Variants in SERPINB3 observed in about 807,000 individuals in gnomAD.
The protein encoded by SERPINB3 is serpin family B member 3.
In SERPINB3, 33 loss-of-function variants were observed where a neutral mutation model predicts 33.0. The ratio of observed to expected loss-of-function variants is 1.00; its 90% CI spans 0.76 to 1.34. The LOEUF is 1.34. Among genes scored for constraint, SERPINB3 ranks in the 40% most tolerant of loss-of-function variants. The pLI is 0.00. For synonymous variants in SERPINB3, 200 were observed against 170.9 expected (o/e 1.17, Z -1.33); for missense variants, 518 against 461.5 (o/e 1.12, Z -1.12).
rs746360608 is a variant in SERPINB3, at chr18:63,661,125, G to T, written c.92C>A (p.Pro31His). The T allele has an allele frequency of 3.1e-6, 5 of 1,613,684 alleles. No individual in the cohort carries two copies. Among genetic ancestry groups the T allele is most frequent in the Non-Finnish European group, 4.2e-6 (5 of 1,179,700 alleles). ...CCCTAATGCTGATGTGATGCTGATA[G>T]GGGAATAGAAGATGTTGTTCTCTTT... The part of the protein sequence containing the change: ...KSKENNIFYS[P>H]ISITSALGMV... Residue 31 changes from proline (P) to histidine (H), a missense_variant, in exon 2 of 8, where the codon CCT (proline) becomes CAT (histidine). Transcript: ENST00000283752.
Position 63,655,999 on chromosome 18 carries a change from C to G in SERPINB3, c.831G>C (p.Glu277Asp), listed in dbSNP as rs769440445. ...GAGGTAAGTGTAAATCGACACGTGTCTCTCTCATATTCTGCAAACTTGTCC... is the reference window on the plus strand; with the variant it reads ...GAGGTAAGTGTAAATCGACACGTGTGTCTCTCATATTCTGCAAACTTGTCC... Reference protein sequence around the residue: ...MEWTSLQNMRETRVDLHLPRF... With the variant: ...MEWTSLQNMRDTRVDLHLPRF... Residue 277 changes from glutamate to aspartate, a missense_variant, in exon 8 of 8, where the codon GAG becomes GAC. Transcript: ENST00000283752. The G allele has an allele frequency of 1.4e-4, 228 of 1,613,844 alleles. No individual in the cohort carries two copies. The highest frequency in any genetic ancestry group is 1.9e-4 in the Non-Finnish European group (222 of 1,179,936).
In SERPINB3 at chr18:63,658,478, C is replaced by T. The variant is rs553994210; in HGVS notation, c.469+35G>A. The T allele has an allele frequency of 3.2e-6, 5 of 1,572,114 alleles. No homozygotes were observed. In the African/African-American group the frequency reaches 6.7e-5, roughly 21 times the overall value. On this transcript the variant is annotated intron_variant, in intron 5 of 7. Coordinates refer to ENST00000283752, the MANE Select transcript of SERPINB3 (RefSeq NM_006919.3). Reference sequence around the variant, plus strand: ...GCATAGGGCTCACTCGCATAGATTTCTCAAAGGTGTTTCTATAATGGGTGG... The same window carrying T: ...GCATAGGGCTCACTCGCATAGATTTTTCAAAGGTGTTTCTATAATGGGTGG...
At chr18:63,660,633 G>A (rs903223894) in intron 3 of SERPINB3, 167 bp downstream of exon 3, 20 of 763,642 alleles carry the variant, frequency 2.6e-5, no homozygotes, top group Non-Finnish European at 3.9e-5. Context: ...GAAGAAAGGA[G>A]GAATAATAAT....
At chr18:63,657,182 TTTA>T (rs1315788833) in intron 6 of SERPINB3, 85 bp downstream of exon 6, 1 of 920,862 alleles carries the variant, frequency 1.1e-6, no homozygotes, top group Non-Finnish European at 1.6e-6. Flanking sequence ...CATGAACAAT[TTTA>T]TTTTTTACTT....
Position 63,655,634 on chromosome 18 carries a change from A to G in SERPINB3, c.*23T>C, listed in dbSNP as rs890281172. 12 of 1,568,194 alleles carry G rather than the reference A, an allele frequency of 7.7e-6. No individual in the cohort carries two copies. The Admixed American group carries it at 9.0e-5, about 12-fold the overall frequency. ...ACATCTGCAGGTGAACATTTTCCAA[A>G]TGGAGTGACAGACTAATTGCATCTA... On this transcript the variant is annotated 3_prime_UTR_variant, in exon 8 of 8. Coordinates refer to ENST00000283752, the MANE Select transcript of SERPINB3 (RefSeq NM_006919.3).
At chr18:63,659,639 T>A (rs1476447936) in intron 3 of SERPINB3, 112 bp from the exon 4 acceptor site, 2 of 1,411,976 alleles carry the variant, frequency 1.4e-6, no homozygotes, top group African/African-American at 1.4e-5. Context: ...ATGAGGACCT[T>A]TGAGCTTATT....
intron 2 of SERPINB3, 40 bp from the exon 3 acceptor site, chr18:63,660,896 A>G (rs1373864142): frequency 1.2e-6 from 2 of 1,612,864 alleles, no homozygotes; most frequent in Non-Finnish European, 8.5e-7. Flanking sequence ...ACTTTACTCA[A>G]AAGATCTGTT....
intron 3 of SERPINB3, 62 bp from the exon 4 acceptor site, chr18:63,659,589 C>T (rs1913588969): frequency 1.2e-6 from 2 of 1,608,698 alleles, no homozygotes; most frequent in Non-Finnish European, 1.7e-6. Context: ...TAAACCCATG[C>T]TAAGTCTGTT....
chr18:63,655,777 T>A lies in SERPINB3; in HGVS notation c.1053A>T (p.Gly351=). The change falls in exon 8 of 8, where the codon GGA becomes GGT. Residue 351 remains glycine (G), a synonymous_variant. Coordinates refer to ENST00000283752, the MANE Select transcript of SERPINB3 (RefSeq NM_006919.3). ...TAGTTGAAGTAGGTGATGATCCGAATCCTACTACAGCGGTGGCAGCTGCAG... is the reference window on the plus strand; with the variant it reads ...TAGTTGAAGTAGGTGATGATCCGAAACCTACTACAGCGGTGGCAGCTGCAG... ...AEAAAATAVV[G]FGSSPTSTNE... 3 of 1,613,916 alleles carry A rather than the reference T, an allele frequency of 1.9e-6. 1 individual carries two copies.
intron 5 of SERPINB3, 111 bp downstream of exon 5, chr18:63,658,402 T>G: frequency 1.1e-6 from 1 of 876,352 alleles, no homozygotes; most frequent in South Asian, 1.7e-5. Context: ...TCTTCTTCCC[T>G]CCCTGCAAAG....
In SERPINB3 at chr18:63,655,619, G is replaced by C; in HGVS notation, c.*38C>G. Reference sequence around the variant, plus strand: ...AATCAGTTTACCAGAACATCTGCAGGTGAACATTTTCCAAATGGAGTGACA... The same window carrying C: ...AATCAGTTTACCAGAACATCTGCAGCTGAACATTTTCCAAATGGAGTGACA... On this transcript the variant is annotated 3_prime_UTR_variant, in exon 8 of 8. Transcript: ENST00000283752. 1 of 1,557,848 alleles carries C rather than the reference G, an allele frequency of 6.4e-7. No homozygotes were observed. Among genetic ancestry groups the C allele is most frequent in the Non-Finnish European group, 8.7e-7 (1 of 1,148,100 alleles).
Position 63,655,529 on chromosome 18 carries a change from A to G in SERPINB3, c.*128T>C. 1.0e-6 allele frequency: 1 copy of G among 990,724 alleles called. No homozygotes were observed. Among genetic ancestry groups the G allele is most frequent in the Non-Finnish European group, 1.5e-6 (1 of 670,356 alleles). The allele number at this position is 990,724 out of a possible 1,614,324, so 61.4% of individuals were successfully genotyped here. On this transcript the variant is annotated 3_prime_UTR_variant, in exon 8 of 8. Coordinates refer to ENST00000283752, the MANE Select transcript of SERPINB3 (RefSeq NM_006919.3). ...TATTTTAATCATTAAATTCTTGATG[A>G]TGACGATCATCATCAAGATGAGAAA...
intron 4 of SERPINB3, 44 bp from the exon 5 acceptor site, chr18:63,658,674 T>C (rs576489511): frequency 2.1e-6 from 3 of 1,439,310 alleles, no homozygotes; most frequent in Middle Eastern, 1.8e-4. Context: ...GAGTAATTTA[T>C]GTAACTATAT....
intron 3 of SERPINB3, among the ~76,000 whole-genome samples, chr18:63,660,059 A>G (rs1913601830): frequency 6.6e-6 from 1 of 152,130 alleles, no homozygotes; most frequent in African/African-American, 2.4e-5. Flanking sequence ...ATGGCTAAGG[A>G]CTTTACATGG....
At chr18:63,660,696 G>T (rs1913618138) in intron 3 of SERPINB3, 104 bp downstream of exon 3, 22 of 1,450,036 alleles carry the variant, frequency 1.5e-5, no homozygotes, top group Middle Eastern at 3.5e-4. Flanking sequence ...TTGTGTCCAA[G>T]ATTTTCCCTA....
chr18:63,659,569 A>C, intron 3 of SERPINB3, 42 bp from the exon 4 acceptor site: 1 of 1,612,724 alleles, frequency 6.2e-7, no homozygotes, highest in Non-Finnish European at 8.5e-7. Flanking sequence ...TGCTGTATCA[A>C]TGTAAATACT....
intron 5 of SERPINB3, 40 bp downstream of exon 5, chr18:63,658,473 G>A: frequency 6.4e-7 from 1 of 1,556,348 alleles, no homozygotes; most frequent in African/African-American, 1.4e-5. Flanking sequence ...CACTCGCATA[G>A]ATTTCTCAAA....
rs765340420 is a variant in SERPINB3, at chr18:63,660,871, A to G, written c.166-15T>C. The stretch of plus-strand genomic sequence containing the variant: ...AAGTGAAGAACCTGGAAGAGACATG[A>G]AGCGGGACAAGAAAACTTTACTCAA... On this transcript the variant is annotated splice_polypyrimidine_tract_variant and intron_variant, in intron 2 of 7. Transcript: ENST00000283752. The G allele has an allele frequency of 6.8e-6, 11 of 1,613,284 alleles. No homozygotes were observed. The highest frequency in any genetic ancestry group is 9.3e-6 in the Non-Finnish European group (11 of 1,179,570).
rs1341821487 is a variant in SERPINB3, at chr18:63,659,391, G to T, written c.351+8C>A. 6.8e-7 allele frequency: 1 copy of T among 1,462,838 alleles called. No homozygotes were observed. The highest frequency in any genetic ancestry group is 2.8e-5 in the African/African-American group (1 of 35,102). The allele number at this position is 1,462,838 out of a possible 1,614,324, so 90.6% of individuals were successfully genotyped here. ...CAAATGAAATGTGGGTAGGCCAGGT[G>T]AAATTACCTGTAAAAATAGATACGT... On this transcript the variant is annotated splice_region_variant and intron_variant, in intron 4 of 7. Transcript: ENST00000283752.
Sources: gnomAD v4.1 joint callset for allele counts (sites outside exome capture counted in the v4.1 genomes callset) on GRCh38, gnomAD v4.1.1 for gene constraint, MANE v1.5 for transcripts, NCBI Gene and HGNC (gene_info 2026-07-23, HGNC 2026-07-21) for gene names.